Variants in DLGAP4 observed in about 807,000 individuals in gnomAD.
The protein encoded by DLGAP4 is DLG associated protein 4.
Under a neutral mutation model 86.9 loss-of-function variants are expected in DLGAP4, and 18 were observed. That is an observed-to-expected ratio of 0.21 (90% CI 0.14 to 0.31). The LOEUF (loss-of-function observed/expected upper bound fraction) is 0.31, where lower values mean the gene tolerates loss of function less well. DLGAP4 is among the 10% of genes least tolerant of loss of function. The pLI, the probability that DLGAP4 is intolerant of heterozygous loss-of-function variation, is 1.00. For synonymous variants in DLGAP4, 548 were observed against 574.3 expected (o/e 0.95, Z 0.65); for missense variants, 1,085 against 1,362.6 (o/e 0.80, Z 3.21).
chr20:36,317,463 C>CTTT (rs1207752409), intron 1 of DLGAP4, among the ~76,000 whole-genome samples: 9 of 120,094 alleles, frequency 7.5e-5, no homozygotes, highest in Non-Finnish European at 8.7e-5. Context: ...CCTTCTCTTT[C>CTTT]TTTTTTTTTT....
intron 1 of DLGAP4, among the ~76,000 whole-genome samples, chr20:36,309,559 C>T (rs2065034741): frequency 6.6e-6 from 1 of 152,188 alleles, no homozygotes; most frequent in African/African-American, 2.4e-5. Flanking sequence ...GAGTTACAGG[C>T]CTGTAGCCCC....
chr20:36,356,820 C>G lies in DLGAP4; in HGVS notation c.-303-10225C>G, dbSNP rs538323183. ...TTCAGGCCCCTGTTATAACCAAAAG[C>G]TTAGTATTCAGTATATCCCCCAGTC... On this transcript the variant is annotated intron_variant, in intron 1 of 12. Transcript: ENST00000339266. Among the ~76,000 whole-genome samples the G allele has an allele frequency of 2.0e-5, 3 of 152,262 alleles. No individual in the cohort carries two copies. In the East Asian group the frequency reaches 5.8e-4, roughly 29 times the overall value.
chr20:36,460,105 AATG>A (rs1429552967), intron 7 of DLGAP4, among the ~76,000 whole-genome samples: 2 of 152,180 alleles, frequency 1.3e-5, no homozygotes, highest in Non-Finnish European at 2.9e-5. Flanking sequence ...GAAGTGGAAT[AATG>A]ATATTTCATC....
rs145642013 is a variant in DLGAP4, at chr20:36,367,935, CAG to C, written c.-73+663_-73+664del. ...ACAATCTAGTTCACAGATGAGGAAA[CAG>C]AGGCTCAACCAGGTCAAGAGGCCTA... On this transcript the variant is annotated intron_variant, in intron 2 of 12. Coordinates refer to ENST00000339266, the MANE Select transcript of DLGAP4 (RefSeq NM_001365621.2). Among the ~76,000 whole-genome samples the C allele has an allele frequency of 6.7e-3, 1,028 of 152,342 alleles. 15 individuals carry two copies. The highest frequency in any genetic ancestry group is 0.024 in the African/African-American group (984 of 41,568).
At chr20:36,411,301 T>C (rs1459321497) in intron 2 of DLGAP4, among the ~76,000 whole-genome samples, 1 of 152,162 alleles carries the variant, frequency 6.6e-6, no homozygotes, top group East Asian at 1.9e-4. Flanking sequence ...CAATTCAAAT[T>C]CTTGTCTGAG....
At position 36,467,070 on chromosome 20, in the gene DLGAP4, C is replaced by A. The variant is rs541227676; in HGVS notation, c.1648+20133C>A. Among the ~76,000 whole-genome samples the A allele has an allele frequency of 5.8e-5, 8 of 137,210 alleles. No individual in the cohort carries two copies. In the East Asian group the frequency reaches 1.3e-3, roughly 23 times the overall value. 90.0% of individuals were successfully genotyped at this position (137,210 alleles called of 152,430 possible). On this transcript the variant is annotated intron_variant, in intron 7 of 12. Coordinates refer to ENST00000339266, the MANE Select transcript of DLGAP4 (RefSeq NM_001365621.2). ...TCTCTCTCTCTCTCTCTCTCCCCCC[C>A]CCTTCTCTCGGCCCTGCCTTCCTAG...
At chr20:36,422,025 G>A (rs1056210864) in intron 2 of DLGAP4, among the ~76,000 whole-genome samples, 10 of 152,090 alleles carry the variant, frequency 6.6e-5, no homozygotes, top group Non-Finnish European at 1.2e-4. Flanking sequence ...AGCAAGAGCC[G>A]GAGCAGGTAT....
intron 2 of DLGAP4, among the ~76,000 whole-genome samples, chr20:36,381,749 T>C (rs1031726153): frequency 7.9e-5 from 12 of 152,126 alleles, no homozygotes; most frequent in African/African-American, 2.7e-4. Context: ...TGATGGGTCC[T>C]GGTGGGGCTA....
chr20:36,526,095 C>G (rs753767027), intron 12 of DLGAP4, 89 bp downstream of exon 12: 1 of 1,584,452 alleles, frequency 6.3e-7, no homozygotes, highest in African/African-American at 1.3e-5. Flanking sequence ...CTGCTTGGCT[C>G]CCTTCTCCGT....
At chr20:36,518,587 C>T (rs1014719108) in intron 10 of DLGAP4, among the ~76,000 whole-genome samples, 1 of 152,048 alleles carries the variant, frequency 6.6e-6, no homozygotes, top group Non-Finnish European at 1.5e-5. Context: ...ATTTCTTTGA[C>T]GACTGGGTTA....
chr20:36,461,197 G>C, intron 7 of DLGAP4: 8 of 151,676 alleles, frequency 5.3e-5, no homozygotes, highest in South Asian at 2.1e-4. Context: ...GAGGGGCGGC[G>C]ACCCCACCCC....
chr20:36,336,299 C>T (rs60415645), intron 1 of DLGAP4, among the ~76,000 whole-genome samples: 144 of 152,270 alleles, frequency 9.5e-4, no homozygotes, highest in African/African-American at 3.3e-3. Flanking sequence ...CCAATATTGG[C>T]AGCTCCATCA....
Position 36,308,336 on chromosome 20 carries a change from CTTTT to C in DLGAP4, c.-304+1827_-304+1830del, listed in dbSNP as rs1225685512. Reference sequence around the variant, plus strand: ...ACAGGGTCCCCACCTCCAGGAGCCTCTTTTTTGTTGGGGGAGGCAGCCTGTGTCA... The same window carrying C: ...ACAGGGTCCCCACCTCCAGGAGCCTCTTGTTGGGGGAGGCAGCCTGTGTCA... On this transcript the variant is annotated intron_variant, in intron 1 of 12. Coordinates refer to ENST00000339266, the MANE Select transcript of DLGAP4 (RefSeq NM_001365621.2). The surrounding 1 kb of genome is among the most constrained non-coding windows in gnomAD (Gnocchi z 4.5). Among the ~76,000 whole-genome samples the C allele has an allele frequency of 2.6e-5, 4 of 152,140 alleles. No individual in the cohort carries two copies. Among genetic ancestry groups the C allele is most frequent in the Admixed American group, 6.5e-5 (1 of 15,272 alleles).
chr20:36,403,293 G>A (rs181801608), intron 2 of DLGAP4, among the ~76,000 whole-genome samples: 40 of 152,318 alleles, frequency 2.6e-4, no homozygotes, highest in African/African-American at 9.6e-4. Flanking sequence ...AATGGAAAGA[G>A]GAGGTGAACC....
At chr20:36,477,985 A>G (rs748533411) in intron 7 of DLGAP4, among the ~76,000 whole-genome samples, 1 of 152,224 alleles carries the variant, frequency 6.6e-6, no homozygotes, top group Non-Finnish European at 1.5e-5. Context: ...GACTTGAAAT[A>G]GATGTTTGCT....
At chr20:36,323,830 G>A (rs1220783496) in intron 1 of DLGAP4, among the ~76,000 whole-genome samples, 4 of 152,180 alleles carry the variant, frequency 2.6e-5, no homozygotes, top group African/African-American at 9.7e-5. Flanking sequence ...AGTAGGATTC[G>A]TACTCCTGTG....
intron 1 of DLGAP4, among the ~76,000 whole-genome samples, chr20:36,326,389 AG>A (rs1555891006): frequency 6.6e-6 from 1 of 151,834 alleles, no homozygotes; most frequent in East Asian, 1.9e-4. Context: ...GTTTTATTTT[AG>A]TGCTTGCAGT....
At position 36,525,240 on chromosome 20, in the gene DLGAP4, AAAAAAAAAAAAAAAC is replaced by A. The variant is rs1303140390; in HGVS notation, c.2605-607_2605-593del. Reference sequence around the variant, plus strand: ...TCAAAAAAAAAAAAAAAAAAAAAAAAAAAAAAAAAAAAAACAAAGAAATCCCACTGCTGGGATTGG... The same window carrying A: ...TCAAAAAAAAAAAAAAAAAAAAAAAAAAAGAAATCCCACTGCTGGGATTGG... On this transcript the variant is annotated intron_variant, in intron 11 of 12. Transcript: ENST00000339266. Among the ~76,000 whole-genome samples the A allele has an allele frequency of 6.5e-4, 83 of 127,156 alleles. 2 individuals carry two copies. Among genetic ancestry groups the A allele is most frequent in the Admixed American group, 9.9e-4 (13 of 13,148 alleles). The allele number at this position is 127,156 out of a possible 152,430, so 83.4% of individuals were successfully genotyped here. A position where few individuals can be genotyped will look rare whatever the true frequency, so the allele number is the denominator to read the frequency against.
intron 7 of DLGAP4, among the ~76,000 whole-genome samples, chr20:36,489,564 A>G (rs978246893): frequency 1.3e-5 from 2 of 151,928 alleles, no homozygotes; most frequent in African/African-American, 4.8e-5. Context: ...TCTACAAACC[A>G]TTGAATGGTT....
Sources: gnomAD v4.1 joint callset for allele counts (sites outside exome capture counted in the v4.1 genomes callset) on GRCh38, gnomAD v4.1.1 for gene constraint, Gnocchi (gnomAD v3.1) non-coding constraint, MANE v1.5 for transcripts, NCBI Gene and HGNC (gene_info 2026-07-23, HGNC 2026-07-21) for gene names.